The following AKR1B15 variants were observed in gnomAD, a reference collection of about 807,000 sequenced individuals.
The protein encoded by AKR1B15 is aldo-keto reductase family 1 member B15.
Under a neutral mutation model 38.5 loss-of-function variants are expected in AKR1B15, and 49 were observed. That is an observed-to-expected ratio of 1.27 (90% CI 1.01 to 1.62). AKR1B15 has a LOEUF of 1.62. AKR1B15 is among the 40% of genes most tolerant of loss of function. AKR1B15 has a pLI of 0.00. For synonymous variants in AKR1B15, 137 were observed against 135.5 expected (o/e 1.01, Z -0.08); for missense variants, 411 against 381.6 (o/e 1.08, Z -0.64).
At chr7:134,564,327 G>A (rs1794484814) in intron 2 of AKR1B15, among the ~76,000 whole-genome samples, 1 of 152,154 alleles carries the variant, frequency 6.6e-6, no homozygotes, top group Admixed American at 6.5e-5. Context: ...TGAGGCCTAG[G>A]CCTCCTCACT....
chr7:134,561,027 G>C (rs1235540336), intron 2 of AKR1B15, among the ~76,000 whole-genome samples: 1 of 152,048 alleles, frequency 6.6e-6, no homozygotes, highest in Non-Finnish European at 1.5e-5. Flanking sequence ...CCATTGCAGT[G>C]GTCTATTCCC....
At chr7:134,566,394 C>G (rs1794535757) in intron 3 of AKR1B15, among the ~76,000 whole-genome samples, 2 of 152,154 alleles carry the variant, frequency 1.3e-5, no homozygotes, top group African/African-American at 4.8e-5. Context: ...GGTTCCTGTA[C>G]ACATTGAAAT....
intron 6 of AKR1B15, among the ~76,000 whole-genome samples, chr7:134,575,089 T>C (rs1269080204): frequency 6.6e-6 from 1 of 152,254 alleles, no homozygotes; most frequent in Non-Finnish European, 1.5e-5. Context: ...ATGTTGATTT[T>C]TATTTATTTT....
chr7:134,550,031 G>A (rs1793912399), intron 1 of AKR1B15, among the ~76,000 whole-genome samples: 1 of 152,114 alleles, frequency 6.6e-6, no homozygotes, highest in South Asian at 2.1e-4. Flanking sequence ...GCACCATAAA[G>A]ATTGCTGGCG....
chr7:134,579,748 G>C lies in AKR1B15; in HGVS notation c.*199G>C, dbSNP rs953249087. The C allele has an allele frequency of 3.9e-6, 2 of 507,558 alleles. No individual in the cohort carries two copies. Among genetic ancestry groups the C allele is most frequent in the African/African-American group, 4.0e-5 (2 of 50,164 alleles). 31.4% of individuals were successfully genotyped at this position (507,558 alleles called of 1,614,324 possible). A position where few individuals can be genotyped will look rare whatever the true frequency, so the allele number is the denominator to read the frequency against. On this transcript the variant is annotated 3_prime_UTR_variant, in exon 12 of 12. Transcript: ENST00000457545. ...GGATAAGAATATCACAGAAAAGCAT[G>C]GCCTGAATAAGCAAATGACAATTTT... is the stretch of plus-strand genomic sequence containing the variant.
chr7:134,574,162 TGAG>T (rs1306096346), intron 6 of AKR1B15, among the ~76,000 whole-genome samples: 1 of 152,134 alleles, frequency 6.6e-6, no homozygotes, highest in Non-Finnish European at 1.5e-5. Flanking sequence ...CCCAAAGTGC[TGAG>T]ATTAGTCATG....
At chr7:134,562,032 G>A (rs529364867) in intron 2 of AKR1B15, among the ~76,000 whole-genome samples, 4 of 152,138 alleles carry the variant, frequency 2.6e-5, no homozygotes, top group Non-Finnish European at 5.9e-5. Context: ...CGCCCAGGCT[G>A]GAGTGCAGTG....
intron 3 of AKR1B15, among the ~76,000 whole-genome samples, chr7:134,566,721 A>T (rs1201158239): frequency 6.6e-6 from 1 of 151,864 alleles, no homozygotes; most frequent in Admixed American, 6.6e-5. Context: ...GTGCACACTG[A>T]CTTTTTTCCC....
intron 3 of AKR1B15, 109 bp from the exon 4 acceptor site, chr7:134,568,049 G>T (rs1794580159): frequency 1.3e-5 from 17 of 1,344,010 alleles, no homozygotes; most frequent in Non-Finnish European, 1.6e-5. Context: ...CTCAGGAGTT[G>T]GGAGGATTGT....
intron 3 of AKR1B15, among the ~76,000 whole-genome samples, chr7:134,565,862 C>T (rs1794521554): frequency 6.6e-6 from 1 of 152,104 alleles, no homozygotes; most frequent in South Asian, 2.1e-4. Context: ...CAAGGTTTCC[C>T]CAGAGTCTTG....
intron 2 of AKR1B15, among the ~76,000 whole-genome samples, chr7:134,560,533 T>C (rs974476124): frequency 2.6e-5 from 4 of 152,174 alleles, no homozygotes; most frequent in African/African-American, 9.7e-5. Flanking sequence ...AGATATACCT[T>C]CTTAATCTCA....
intron 1 of AKR1B15, among the ~76,000 whole-genome samples, chr7:134,549,886 T>C (rs189295003): frequency 1.3e-5 from 2 of 152,296 alleles, no homozygotes; most frequent in Admixed American, 6.5e-5. Context: ...TTAGTACAGA[T>C]TTTCTATCCC....
chr7:134,565,695 T>C, intron 3 of AKR1B15: 1 of 1,452,334 alleles, frequency 6.9e-7, no homozygotes, highest in Non-Finnish European at 9.2e-7. Flanking sequence ...GGTTGCTTTC[T>C]TTTCTCAAAG....
chr7:134,552,930 CTT>C (rs1794039766), intron 1 of AKR1B15, among the ~76,000 whole-genome samples: 1 of 152,178 alleles, frequency 6.6e-6, no homozygotes, highest in Non-Finnish European at 1.5e-5. Flanking sequence ...TAACTGCACT[CTT>C]CTCCAGTATG....
At chr7:134,565,630 T>G (rs1174715833) in intron 3 of AKR1B15, 3 of 1,574,302 alleles carry the variant, frequency 1.9e-6, no homozygotes, top group Non-Finnish European at 2.6e-6. Flanking sequence ...CAGAAAAGCC[T>G]GGAGGTCGGG....
intron 1 of AKR1B15, among the ~76,000 whole-genome samples, chr7:134,549,844 A>C (rs1435377417): frequency 6.6e-6 from 1 of 152,222 alleles, no homozygotes; most frequent in Non-Finnish European, 1.5e-5. Flanking sequence ...GATACTGCCC[A>C]AAATGACTGG....
intron 2 of AKR1B15, among the ~76,000 whole-genome samples, chr7:134,562,874 C>G (rs1171741590): frequency 7.2e-6 from 1 of 138,832 alleles, no homozygotes; most frequent in African/African-American, 2.8e-5. Context: ...TTCTTTCTTT[C>G]TTTCTTTCTT....
intron 3 of AKR1B15, among the ~76,000 whole-genome samples, chr7:134,566,563 T>C (rs553060412): frequency 4.6e-5 from 7 of 152,202 alleles, no homozygotes; most frequent in Admixed American, 3.3e-4. Context: ...GTTCCATCAC[T>C]GCCTCCCTCT....
rs141259270 is a variant in AKR1B15 at position 134,576,304 on chromosome 7, C to T, written c.744-45C>T. The stretch of plus-strand genomic sequence containing the variant: ...CATTGGAGTGGTGTCCTTCTGTACA[C>T]GGTAGCCATGGTGATTATTCACATC... On this transcript the variant is annotated intron_variant, in intron 8 of 11. Transcript: ENST00000457545. 2,826 of 1,582,870 alleles carry T rather than the reference C, an allele frequency of 1.8e-3. 44 individuals carry two copies. The African/African-American group carries it at 0.03, about 17-fold the overall frequency.
Sources: allele counts gnomAD v4.1 joint callset (sites outside exome capture counted in the v4.1 genomes callset), GRCh38; gene constraint gnomAD v4.1.1; transcripts MANE v1.5; gene names NCBI Gene and HGNC (gene_info 2026-07-23, HGNC 2026-07-21).